ELOVL6: variants seen among roughly 807,000 people sequenced by gnomAD.
The protein encoded by ELOVL6 is very long chain fatty acid elongase 6.
A neutral mutation model predicts 31.7 loss-of-function variants in ELOVL6; 8 were observed. The ratio of observed to expected loss-of-function variants is 0.25; its 90% CI spans 0.15 to 0.45. The LOEUF is 0.45. Among genes scored for constraint, ELOVL6 ranks in the 20% least tolerant of loss-of-function variants. ELOVL6 has a pLI of 1.00. For synonymous variants in ELOVL6, 101 were observed against 117.7 expected, an observed-to-expected ratio of 0.86 and a Z score of 0.92; for missense variants, 126 against 326.4, an observed-to-expected ratio of 0.39 and a Z score of 4.73.
intron 1 of ELOVL6, among the ~76,000 whole-genome samples, chr4:110,193,081 G>A (rs1411322674): frequency 6.6e-6 from 1 of 152,134 alleles, no homozygotes; most frequent in Admixed American, 6.6e-5. Flanking sequence ...GAAGACTTCA[G>A]GAAGCAATTC....
At chr4:110,072,238 G>T (rs62325298) in intron 2 of ELOVL6, among the ~76,000 whole-genome samples, 10,810 of 152,280 alleles carry the variant, frequency 0.071, 526 homozygotes, top group Non-Finnish European at 0.11. Context: ...AGCACTTTGG[G>T]AGGCCGAGGC....
rs376402597 is a variant in ELOVL6, at chr4:110,061,296, G to C, written c.222-1542C>G. 3.2e-4 allele frequency among the ~76,000 whole-genome samples: 49 copies of C among 152,198 alleles called. No homozygotes were observed. The East Asian group carries it at 4.4e-3, about 14-fold the overall frequency. ...TGTTCACTGTGAGCCAATCACTCCA[G>C]AACTTTCAGACACTTTCAGTTTTCT... On this transcript the variant is annotated intron_variant, in intron 2 of 3. Coordinates refer to ENST00000302274, the MANE Select transcript of ELOVL6 (RefSeq NM_024090.3).
chr4:110,058,579 A>G (rs1162516286), intron 3 of ELOVL6, among the ~76,000 whole-genome samples: 1 of 152,200 alleles, frequency 6.6e-6, no homozygotes, highest in Non-Finnish European at 1.5e-5. Context: ...CACCTTACAG[A>G]AGACTGCTCA....
intron 1 of ELOVL6, among the ~76,000 whole-genome samples, chr4:110,156,412 C>T (rs903157317): frequency 3.3e-5 from 5 of 152,110 alleles, no homozygotes; most frequent in African/African-American, 1.2e-4. Context: ...AGGGTTCTGG[C>T]TGGGCACAGT....
intron 1 of ELOVL6, among the ~76,000 whole-genome samples, chr4:110,145,936 A>G (rs1758093135): frequency 6.6e-6 from 1 of 152,210 alleles, no homozygotes. Flanking sequence ...AAAGCAATCT[A>G]TAGCTTCAAC....
At chr4:110,084,194 T>TGTGA (rs1491255162) in intron 2 of ELOVL6, among the ~76,000 whole-genome samples, 13 of 76,096 alleles carry the variant, frequency 1.7e-4, no homozygotes, top group South Asian at 1.2e-3. Flanking sequence ...AACATATAAC[T>TGTGA]TATATGATAT....
At chr4:110,069,725 T>G (rs988144240) in intron 2 of ELOVL6, among the ~76,000 whole-genome samples, 2 of 152,230 alleles carry the variant, frequency 1.3e-5, no homozygotes, top group Admixed American at 6.5e-5. Flanking sequence ...GAAAACTCAC[T>G]GGGCTTTCAT....
chr4:110,159,818 A>G (rs751722065), intron 1 of ELOVL6, among the ~76,000 whole-genome samples: 4 of 152,200 alleles, frequency 2.6e-5, no homozygotes, highest in Non-Finnish European at 4.4e-5. Flanking sequence ...CAAAAATTTT[A>G]ACCTCTCACA....
chr4:110,083,987 C>CAACATAT (rs1560813354), intron 2 of ELOVL6, among the ~76,000 whole-genome samples: 1 of 6,914 alleles, frequency 1.4e-4, no homozygotes, highest in Non-Finnish European at 2.9e-4. Flanking sequence ...ATGCCATATA[C>CAACATAT]GATATATAAC....
chr4:110,114,992 G>A (rs1325757028), intron 1 of ELOVL6, among the ~76,000 whole-genome samples: 1 of 152,028 alleles, frequency 6.6e-6, no homozygotes, highest in Non-Finnish European at 1.5e-5. Context: ...TCTGTTGTAG[G>A]TTACCACTAC....
intron 1 of ELOVL6, among the ~76,000 whole-genome samples, chr4:110,139,753 C>T (rs192392896): frequency 7.2e-5 from 11 of 152,240 alleles, no homozygotes; most frequent in Admixed American, 5.2e-4. Context: ...ACCTCTCATT[C>T]GACAGGTACC....
intron 1 of ELOVL6, among the ~76,000 whole-genome samples, chr4:110,195,866 C>T (rs1040206443): frequency 6.6e-6 from 1 of 152,150 alleles, no homozygotes; most frequent in African/African-American, 2.4e-5. Flanking sequence ...TGACAAGAAC[C>T]GTAACCTGAA....
intron 1 of ELOVL6, among the ~76,000 whole-genome samples, chr4:110,178,949 T>A (rs571843037): frequency 6.6e-6 from 1 of 152,332 alleles, no homozygotes; most frequent in Admixed American, 6.5e-5. Flanking sequence ...TTAAATTTTC[T>A]ACAATGTATT....
intron 1 of ELOVL6, among the ~76,000 whole-genome samples, chr4:110,157,254 A>T (rs1298024977): frequency 3.9e-5 from 6 of 152,242 alleles, no homozygotes; most frequent in African/African-American, 1.4e-4. Flanking sequence ...GCATAATATG[A>T]AATTAATTTG....
chr4:110,090,352 A>G (rs1402913185), intron 2 of ELOVL6, among the ~76,000 whole-genome samples: 1 of 152,200 alleles, frequency 6.6e-6, no homozygotes, highest in Non-Finnish European at 1.5e-5. Flanking sequence ...CCTTCTATAC[A>G]TTAACACAGA....
chr4:110,141,516 C>A (rs993492972), intron 1 of ELOVL6, among the ~76,000 whole-genome samples: 4 of 151,808 alleles, frequency 2.6e-5, no homozygotes, highest in African/African-American at 9.7e-5. Context: ...ATCTAGGGAC[C>A]AGGAGGGTGG....
intron 1 of ELOVL6, among the ~76,000 whole-genome samples, chr4:110,140,555 TC>T (rs940857198): frequency 2.0e-5 from 3 of 152,022 alleles, no homozygotes; most frequent in Admixed American, 6.6e-5. Context: ...CCACCATGCT[TC>T]TTTTTAATTT....
chr4:110,084,588 A>ATATTTTTTTTTT (rs1553956261), intron 2 of ELOVL6, among the ~76,000 whole-genome samples: 2 of 29,654 alleles, frequency 6.7e-5, no homozygotes, highest in African/African-American at 4.4e-4. Flanking sequence ...ATATATATAT[A>ATATTTTTTTTTT]TTTTTTTTTT....
chr4:110,141,397 C>T (rs1200330490), intron 1 of ELOVL6, among the ~76,000 whole-genome samples: 1 of 152,044 alleles, frequency 6.6e-6, no homozygotes, highest in Non-Finnish European at 1.5e-5. Flanking sequence ...CTAGGTAACT[C>T]TAACCTTTGG....
Sources: gnomAD v4.1 joint callset for allele counts (sites outside exome capture counted in the v4.1 genomes callset) on GRCh38, gnomAD v4.1.1 for gene constraint, MANE v1.5 for transcripts, NCBI Gene and HGNC (gene_info 2026-07-23, HGNC 2026-07-21) for gene names.